VPS41: variants seen among roughly 807,000 people sequenced by gnomAD.
The protein encoded by VPS41 is VPS41 subunit of HOPS complex, also known as vacuolar protein sorting-associated protein 41 homolog.
In VPS41, 85 loss-of-function variants were observed where a neutral mutation model predicts 130.9. The ratio of observed to expected loss-of-function variants is 0.65; its 90% CI spans 0.55 to 0.78. The LOEUF is 0.78. Ranked by LOEUF, VPS41 falls within the 30% of genes least tolerant of loss-of-function variation. The pLI, the probability that VPS41 is intolerant of heterozygous loss-of-function variation, is 0.00. For synonymous variants in VPS41, 335 were observed against 332.9 expected (o/e 1.01, Z -0.07); for missense variants, 874 against 1,018.7 (o/e 0.86, Z 1.93).
chr7:38,906,903 T>A (rs1346210155), intron 1 of VPS41, among the ~76,000 whole-genome samples: 1 of 152,316 alleles, frequency 6.6e-6, no homozygotes, highest in African/African-American at 2.4e-5. Flanking sequence ...GATATAAGCC[T>A]GAGCACGTTA....
intron 8 of VPS41, among the ~76,000 whole-genome samples, chr7:38,795,988 C>T (rs1784610978): frequency 6.6e-6 from 1 of 152,084 alleles, no homozygotes. Flanking sequence ...TGAAAAGCCA[C>T]CTATATAAAG....
At chr7:38,788,442 T>C (rs1452249732) in intron 10 of VPS41, among the ~76,000 whole-genome samples, 4 of 152,216 alleles carry the variant, frequency 2.6e-5, no homozygotes, top group African/African-American at 7.2e-5. Context: ...CTGCAGTTTA[T>C]GTAAGCAGCA....
Position 38,859,326 on chromosome 7 carries a change from A to G in VPS41, c.246+3219T>C, listed in dbSNP as rs563295550. 3.3e-5 allele frequency among the ~76,000 whole-genome samples: 5 copies of G among 152,250 alleles called. No individual in the cohort carries two copies. In the South Asian group the frequency reaches 1.0e-3, roughly 32 times the overall value. ...TGTTTAAATAAATTGAGTTTAGCCTAAGTGTACAGGGTTTATAATGTCTAC... is the reference window on the plus strand; with the variant it reads ...TGTTTAAATAAATTGAGTTTAGCCTGAGTGTACAGGGTTTATAATGTCTAC... On this transcript the variant is annotated intron_variant, in intron 4 of 28. Transcript: ENST00000310301.
chr7:38,795,139 A>G (rs1279762514), intron 9 of VPS41, among the ~76,000 whole-genome samples: 1 of 151,186 alleles, frequency 6.6e-6, no homozygotes, highest in African/African-American at 2.4e-5. Flanking sequence ...AGAGAAGAAA[A>G]CCTGACTAAA....
At chr7:38,820,946 C>A (rs200090936) in intron 6 of VPS41, among the ~76,000 whole-genome samples, 22 of 150,132 alleles carry the variant, frequency 1.5e-4, no homozygotes, top group African/African-American at 4.9e-4. Context: ...TGTGTGCGTG[C>A]GTGTGTGTGT....
chr7:38,835,007 T>C (rs1324261760), intron 4 of VPS41, among the ~76,000 whole-genome samples: 1 of 151,994 alleles, frequency 6.6e-6, no homozygotes, highest in Non-Finnish European at 1.5e-5. Context: ...TACTATACGG[T>C]CATTATACAC....
At chr7:38,771,024 T>C (rs1784143157) in intron 14 of VPS41, among the ~76,000 whole-genome samples, 174 bp downstream of exon 14, 1 of 152,180 alleles carries the variant, frequency 6.6e-6, no homozygotes. Flanking sequence ...TCAAGTCTCT[T>C]GTTTACAAGC....
chr7:38,767,443 T>C lies in VPS41; in HGVS notation c.1247+94A>G, dbSNP rs1784068410. ...CCCTCGTTAGAAAGATGTACAAAAA[T>C]AAAATGTCAACTGCAAAGAATGGCT... On this transcript the variant is annotated intron_variant, in intron 15 of 28. Coordinates refer to ENST00000310301, the MANE Select transcript of VPS41 (RefSeq NM_014396.4). 12 of 740,380 alleles carry C rather than the reference T, an allele frequency of 1.6e-5. No individual in the cohort carries two copies. The Middle Eastern group carries it at 3.0e-3, about 182-fold the overall frequency. 45.9% of individuals were successfully genotyped at this position (740,380 alleles called of 1,614,324 possible).
chr7:38,859,117 AG>A (rs1183600967), intron 4 of VPS41, among the ~76,000 whole-genome samples: 3 of 152,070 alleles, frequency 2.0e-5, no homozygotes, highest in Non-Finnish European at 4.4e-5. Context: ...GAAGTAAAAA[AG>A]AAAAAAAAAA....
At chr7:38,877,420 G>A (rs888321708) in intron 2 of VPS41, among the ~76,000 whole-genome samples, 11 of 152,124 alleles carry the variant, frequency 7.2e-5, no homozygotes, top group African/African-American at 2.4e-4. Flanking sequence ...TAGAATTATA[G>A]ATAAATTTAT....
chr7:38,832,319 C>CT (rs543207806), intron 4 of VPS41, among the ~76,000 whole-genome samples: 6,263 of 114,704 alleles, frequency 0.055, 468 homozygotes, highest in African/African-American at 0.14. Flanking sequence ...TTCTTTCTTT[C>CT]TTTTTTTTTT....
At chr7:38,727,563 T>C (rs973227809) in intron 27 of VPS41, among the ~76,000 whole-genome samples, 9 of 152,214 alleles carry the variant, frequency 5.9e-5, no homozygotes, top group African/African-American at 2.2e-4. Flanking sequence ...TGGGAATGTA[T>C]GTGGTTCCTT....
intron 7 of VPS41, among the ~76,000 whole-genome samples, chr7:38,811,898 T>C (rs1225363699): frequency 6.6e-6 from 1 of 152,100 alleles, no homozygotes; most frequent in African/African-American, 2.4e-5. Context: ...AATTTTTCAC[T>C]TTCAGTCTTC....
chr7:38,869,723 C>T (rs77326870), intron 2 of VPS41, among the ~76,000 whole-genome samples: 4,450 of 152,146 alleles, frequency 0.029, 130 homozygotes, highest in African/African-American at 0.071. Context: ...ACTGTGATGG[C>T]ATAAAACTAG....
At chr7:38,763,770 T>A (rs1783971144) in intron 16 of VPS41, among the ~76,000 whole-genome samples, 1 of 152,174 alleles carries the variant, frequency 6.6e-6, no homozygotes, top group Admixed American at 6.5e-5. Context: ...ATTTAAAAAT[T>A]GCCTAGGTTA....
chr7:38,818,821 C>T (rs945411973), intron 6 of VPS41, among the ~76,000 whole-genome samples: 3 of 152,174 alleles, frequency 2.0e-5, no homozygotes, highest in African/African-American at 7.2e-5. Flanking sequence ...CTTCTATATA[C>T]CTTCAATTAA....
Position 38,765,885 on chromosome 7 carries a change from G to T in VPS41, c.1248-224C>A, listed in dbSNP as rs867523447. 80 of 402,138 alleles carry T rather than the reference G, an allele frequency of 2.0e-4. 2 individuals are homozygous for T. The South Asian group carries it at 4.0e-3, about 20-fold the overall frequency. 24.9% of individuals were successfully genotyped at this position (402,138 alleles called of 1,614,324 possible). On this transcript the variant is annotated intron_variant, in intron 15 of 28. Transcript: ENST00000310301. ...CAACTTATAAAAGTTAATATAAAAT[G>T]CTTATAAATAAAGATGAATCACTTC...
intron 2 of VPS41, among the ~76,000 whole-genome samples, chr7:38,885,096 C>T (rs1051322351): frequency 4.6e-5 from 7 of 152,002 alleles, no homozygotes; most frequent in Admixed American, 1.3e-4. Flanking sequence ...TTTTTTGAGA[C>T]GGAGTCTCAC....
intron 7 of VPS41, among the ~76,000 whole-genome samples, chr7:38,814,669 A>G (rs1275440022): frequency 1.3e-5 from 2 of 152,188 alleles, no homozygotes; most frequent in African/African-American, 4.8e-5. Context: ...AAAAACAAAA[A>G]CAAAAAAACA....
Sources: gnomAD v4.1 joint callset for allele counts (sites outside exome capture counted in the v4.1 genomes callset) on GRCh38, gnomAD v4.1.1 for gene constraint, MANE v1.5 for transcripts, NCBI Gene and HGNC (gene_info 2026-07-23, HGNC 2026-07-21) for gene names.